UBE3C: variants seen among roughly 807,000 people sequenced by gnomAD.
UBE3C encodes the protein ubiquitin protein ligase E3C.
In UBE3C, 42 loss-of-function variants were observed where a neutral mutation model predicts 129.4. The ratio of observed to expected loss-of-function variants is 0.32; its 90% CI spans 0.25 to 0.42. UBE3C has a LOEUF of 0.42. Among genes scored for constraint, UBE3C ranks in the 10% least tolerant of loss-of-function variants. UBE3C has a pLI of 1.00. For synonymous variants in UBE3C, 510 were observed against 492.4 expected, an observed-to-expected ratio of 1.04 and a Z score of -0.47; for missense variants, 1,049 against 1,319.1, an observed-to-expected ratio of 0.80 and a Z score of 3.17.
chr7:157,156,932 T>C (rs1161847520), intron 1 of UBE3C, among the ~76,000 whole-genome samples: 1 of 152,144 alleles, frequency 6.6e-6, no homozygotes, highest in Non-Finnish European at 1.5e-5. Context: ...GTGGTCCTTA[T>C]TATATGTGAA....
In UBE3C at chr7:157,267,845, C is replaced by T. The variant is rs867804651; in HGVS notation, c.*90C>T. 45 of 1,148,448 alleles carry T rather than the reference C, an allele frequency of 3.9e-5. No homozygotes were observed. Among genetic ancestry groups the T allele is most frequent in the African/African-American group, 3.7e-4 (23 of 62,720 alleles). The allele number at this position is 1,148,448 out of a possible 1,614,324, so 71.1% of individuals were successfully genotyped here. ...GACCCACGAGGATACTCACACTGCA[C>T]GCCTGAGGCTCTCCTAAGCTCCTTC... is the stretch of plus-strand genomic sequence containing the variant. On this transcript the variant is annotated 3_prime_UTR_variant, in exon 23 of 23. Transcript: ENST00000348165.
chr7:157,197,370 C>G (rs1190768081), intron 10 of UBE3C, among the ~76,000 whole-genome samples: 2 of 152,166 alleles, frequency 1.3e-5, no homozygotes, highest in East Asian at 3.8e-4. Flanking sequence ...AAACTATCAA[C>G]ATAAGCCAGT....
chr7:157,229,919 T>A (rs113695927), intron 17 of UBE3C, among the ~76,000 whole-genome samples: 1,474 of 101,290 alleles, frequency 0.015, 15 homozygotes, highest in African/African-American at 0.036. Context: ...TGTTTTAATT[T>A]ATTTATTTTT....
At chr7:157,190,091 C>T (rs768020123) in intron 10 of UBE3C, among the ~76,000 whole-genome samples, 2 of 152,210 alleles carry the variant, frequency 1.3e-5, no homozygotes, top group Non-Finnish European at 2.9e-5. Context: ...TGAGCCACTG[C>T]GCCCTGCTTA....
chr7:157,175,356 G>A (rs76392319), intron 5 of UBE3C, among the ~76,000 whole-genome samples: 1,846 of 152,128 alleles, frequency 0.012, 20 homozygotes, highest in Non-Finnish European at 0.019. Flanking sequence ...CCTGATGTGT[G>A]AGAATGATTC....
intron 17 of UBE3C, among the ~76,000 whole-genome samples, chr7:157,230,443 T>A (rs1584805380): frequency 6.7e-6 from 1 of 149,470 alleles, no homozygotes; most frequent in East Asian, 2.0e-4. Flanking sequence ...ACGCCTGTAA[T>A]CCCAGCACTT....
At chr7:157,239,205 T>A (rs1796231509) in intron 18 of UBE3C, among the ~76,000 whole-genome samples, 1 of 152,204 alleles carries the variant, frequency 6.6e-6, no homozygotes, top group South Asian at 2.1e-4. Flanking sequence ...ACTACAAAAA[T>A]GTCCTTCGAA....
intron 2 of UBE3C, among the ~76,000 whole-genome samples, chr7:157,167,811 C>T (rs1476171680): frequency 3.3e-5 from 5 of 151,988 alleles, no homozygotes; most frequent in African/African-American, 4.8e-5. Context: ...GCTGGGATTA[C>T]AGGCATGAGC....
chr7:157,190,194 T>G (rs756563685), intron 10 of UBE3C, among the ~76,000 whole-genome samples: 9 of 152,172 alleles, frequency 5.9e-5, no homozygotes, highest in Non-Finnish European at 1.0e-4. Context: ...GTGTCTTTAG[T>G]TTAAGTAACT....
intron 14 of UBE3C, 71 bp from the exon 15 acceptor site, chr7:157,220,618 G>T: frequency 6.3e-7 from 1 of 1,578,174 alleles, no homozygotes; most frequent in East Asian, 2.3e-5. Context: ...CACCAATTCT[G>T]TTCAAGTGTG....
chr7:157,175,647 G>A (rs1034519681), intron 5 of UBE3C, among the ~76,000 whole-genome samples: 3 of 151,930 alleles, frequency 2.0e-5, no homozygotes, highest in Non-Finnish European at 4.4e-5. Flanking sequence ...TCTGGACACT[G>A]TCTGTAATAT....
At chr7:157,160,174 A>G (rs1224207805) in intron 1 of UBE3C, among the ~76,000 whole-genome samples, 2 of 151,748 alleles carry the variant, frequency 1.3e-5, no homozygotes, top group Admixed American at 1.3e-4. Context: ...TCCCAGGTTC[A>G]AGTGATTCTC....
intron 10 of UBE3C, among the ~76,000 whole-genome samples, chr7:157,191,459 T>C (rs1808964928): frequency 6.6e-6 from 1 of 152,102 alleles, no homozygotes; most frequent in South Asian, 2.1e-4. Context: ...CTGGCTAATT[T>C]TTTGTAATTT....
intron 15 of UBE3C, 60 bp downstream of exon 15, chr7:157,220,836 C>T: frequency 1.3e-6 from 2 of 1,548,312 alleles, no homozygotes; most frequent in Non-Finnish European, 1.8e-6. Context: ...AAATTCACTC[C>T]TTTAATCTAC....
intron 1 of UBE3C, among the ~76,000 whole-genome samples, chr7:157,162,588 G>A (rs1489012006): frequency 6.7e-6 from 1 of 149,742 alleles, no homozygotes; most frequent in African/African-American, 2.5e-5. Flanking sequence ...CACTCAGGCT[G>A]GAGAGTGGTA....
chr7:157,258,832 T>C (rs1796825097), intron 22 of UBE3C, among the ~76,000 whole-genome samples: 1 of 152,232 alleles, frequency 6.6e-6, no homozygotes, highest in Non-Finnish European at 1.5e-5. Flanking sequence ...TTTAAATGTA[T>C]AGAAAAGTTG....
At chr7:157,190,880 G>A (rs571435401) in intron 10 of UBE3C, among the ~76,000 whole-genome samples, 2 of 152,254 alleles carry the variant, frequency 1.3e-5, no homozygotes, top group African/African-American at 4.8e-5. Context: ...ATCCCATTGC[G>A]CTTTTTTATG....
rs189881140 is a variant in UBE3C, at chr7:157,145,206, A to G, written c.66+5868A>G. Among the ~76,000 whole-genome samples the G allele has an allele frequency of 3.0e-3, 463 of 152,158 alleles. 10 individuals carry two copies. The highest frequency in any genetic ancestry group is 3.4e-3 in the Middle Eastern group (1 of 294). On this transcript the variant is annotated intron_variant, in intron 1 of 22. Coordinates refer to ENST00000348165, the MANE Select transcript of UBE3C (RefSeq NM_014671.3). ...CAGTGAGCCTGGATTGTGCCAGCGC[A>G]TTCCAGCCTGGGTGACAGAGCATGA...
chr7:157,259,864 A>T (rs1448236088), intron 22 of UBE3C, among the ~76,000 whole-genome samples: 2 of 152,162 alleles, frequency 1.3e-5, no homozygotes, highest in Non-Finnish European at 2.9e-5. Context: ...CACCTCAATT[A>T]AGCTGTTCTT....
Sources: gnomAD v4.1 joint callset for allele counts (sites outside exome capture counted in the v4.1 genomes callset) on GRCh38, gnomAD v4.1.1 for gene constraint, MANE v1.5 for transcripts, NCBI Gene and HGNC (gene_info 2026-07-23, HGNC 2026-07-21) for gene names.